The following CDK2AP1 variants were observed in gnomAD, a reference collection of about 807,000 sequenced individuals.
CDK2AP1 encodes cyclin dependent kinase 2 associated protein 1, also known as cyclin-dependent kinase 2-associated protein 1.
Under a neutral mutation model 14.1 loss-of-function variants are expected in CDK2AP1, and 10 were observed. The ratio of observed to expected loss-of-function variants is 0.71; its 90% confidence interval spans 0.44 to 1.20. CDK2AP1 has a LOEUF of 1.20. Among genes scored for constraint, CDK2AP1 ranks in the 50% most tolerant of loss-of-function variants. CDK2AP1 has a pLI of 0.00. For synonymous variants in CDK2AP1, 59 were observed against 59.8 expected, an observed-to-expected ratio of 0.99 and a Z score of 0.06; for missense variants, 102 against 149.9, an observed-to-expected ratio of 0.68 and a Z score of 1.67.
At chr12:123,267,330 C>A in intron 1 of CDK2AP1, 48 bp from the exon 2 acceptor site, 1 of 1,203,412 alleles carries the variant, frequency 8.3e-7, no homozygotes, top group Non-Finnish European at 1.2e-6. Flanking sequence ...GCCAGTTGTA[C>A]CAAGGCAAGG....
chr12:123,271,124 G>A, intron 1 of CDK2AP1: 1 of 707,788 alleles, frequency 1.4e-6, no homozygotes, highest in African/African-American at 2.0e-5. Flanking sequence ...CCCCCGCCCG[G>A]GCTGCTTCAC....
rs1002995798 is a variant in CDK2AP1, at chr12:123,270,851, C to G, written c.55+713G>C. 5.1e-6 allele frequency: 5 copies of G among 985,282 alleles called. No homozygotes were observed. In the South Asian group the frequency reaches 2.3e-4, roughly 46 times the overall value. 61.0% of individuals were successfully genotyped at this position (985,282 alleles called of 1,614,324 possible). A position where few individuals can be genotyped will look rare whatever the true frequency, so the allele number is the denominator to read the frequency against. Reference sequence around the variant, plus strand: ...CGCCCGCGCGCGGGCCCCAGCAGCCCCAGAGCTGCGCCAACTTCGTTCACT... The same window carrying G: ...CGCCCGCGCGCGGGCCCCAGCAGCCGCAGAGCTGCGCCAACTTCGTTCACT... On this transcript the variant is annotated intron_variant, in intron 1 of 3. Coordinates refer to ENST00000261692, the MANE Select transcript of CDK2AP1 (RefSeq NM_004642.4).
At chr12:123,271,456 C>A (rs1052383183) in intron 1 of CDK2AP1, 108 bp downstream of exon 1, 1 of 471,026 alleles carries the variant, frequency 2.1e-6, no homozygotes, top group South Asian at 8.5e-5. Flanking sequence ...GACCCTGAGC[C>A]CCCCGCCCCC....
Position 123,269,554 on chromosome 12 carries a change from G to A in CDK2AP1, c.55+2010C>T, listed in dbSNP as rs373366617. 4.4e-4 allele frequency among the ~76,000 whole-genome samples: 67 copies of A among 152,374 alleles called. No individual in the cohort carries two copies. In the South Asian group the frequency reaches 0.013, roughly 30 times the overall value. On this transcript the variant is annotated intron_variant, in intron 1 of 3. Coordinates refer to ENST00000261692, the MANE Select transcript of CDK2AP1 (RefSeq NM_004642.4). ...CTCAGACAATGAGCGCAGTGTGCAG[G>A]AGCGAGGGGTTGGCAGAGGCCAGGA...
intron 1 of CDK2AP1, 98 bp downstream of exon 1, chr12:123,271,466 C>T: frequency 1.7e-6 from 1 of 578,004 alleles, no homozygotes; most frequent in East Asian, 1.4e-4. Context: ...CCCCCGCCCC[C>T]GGCCTCCGCG....
chr12:123,270,818 T>G (rs1486115228), intron 1 of CDK2AP1: 1 of 984,638 alleles, frequency 1.0e-6, no homozygotes, highest in East Asian at 1.1e-4. Context: ...CGTGACCCAC[T>G]GCCCCCACGC....
chr12:123,267,528 C>G (rs1322047214), intron 1 of CDK2AP1: 1 of 456,912 alleles, frequency 2.2e-6, no homozygotes, highest in South Asian at 2.1e-5. Context: ...CCCATCCAAC[C>G]AGAACCTTCC....
intron 2 of CDK2AP1, among the ~76,000 whole-genome samples, 195 bp downstream of exon 2, chr12:123,266,990 T>C (rs1230205328): frequency 6.6e-6 from 1 of 152,084 alleles, no homozygotes; most frequent in Non-Finnish European, 1.5e-5. Flanking sequence ...ACCTCACACG[T>C]CCCCGCGAAG....
Position 123,265,871 on chromosome 12 carries a change from G to T in CDK2AP1, c.154-549C>A. 6.6e-6 allele frequency among the ~76,000 whole-genome samples: 1 copy of T among 152,164 alleles called. No individual in the cohort carries two copies. Among genetic ancestry groups the T allele is most frequent in the African/African-American group, 2.4e-5 (1 of 41,440 alleles). ...AGGTGCCAAGCCTCCAAGCCAGTGG[G>T]GAGACAAGAGGCCACACCTGGGCCA... On this transcript the variant is annotated intron_variant, in intron 2 of 3. Transcript: ENST00000261692. This position sits in a 1 kb window ranked among gnomAD's most constrained non-coding sequence, Gnocchi z 5.3.
chr12:123,270,788 G>A, intron 1 of CDK2AP1: 1 of 969,654 alleles, frequency 1.0e-6, no homozygotes, highest in Non-Finnish European at 1.2e-6. Flanking sequence ...GCCCTTGGGG[G>A]CTCCCAGATG....
chr12:123,265,213 A>G lies in CDK2AP1; in HGVS notation c.263T>C (p.Met88Thr), dbSNP rs766077213. Reference sequence around the variant, plus strand: ...GGGCTTACCGCGCTTCAGCCTCTCCATGGCACTCTTGCTCCCTGCGTACGT... The same window carrying G: ...GGGCTTACCGCGCTTCAGCCTCTCCGTGGCACTCTTGCTCCCTGCGTACGT... ...RPTYAGSKSA[M>T]ERLKRGIIHA... The change falls in exon 3 of 4, where the codon ATG (methionine) becomes ACG (threonine). Residue 88 changes from methionine to threonine, a missense_variant. Transcript: ENST00000261692. This position sits in a 1 kb window ranked among gnomAD's most constrained non-coding sequence, Gnocchi z 5.3. 1.2e-6 allele frequency: 2 copies of G among 1,613,884 alleles called. No homozygotes were observed. Among genetic ancestry groups the G allele is most frequent in the African/African-American group, 1.3e-5 (1 of 74,846 alleles).
chr12:123,261,723 A>C lies in CDK2AP1; in HGVS notation c.*13T>G, dbSNP rs1190798560. 1 of 1,609,966 alleles carries C rather than the reference A, an allele frequency of 6.2e-7. No homozygotes were observed. The highest frequency in any genetic ancestry group is 1.1e-5 in the South Asian group (1 of 91,000). ...TGTAAAAAGATGGAAATCCTTCAAAACCAACAAGGCAGCTAGGATCTGGCA... is the reference window on the plus strand; with the variant it reads ...TGTAAAAAGATGGAAATCCTTCAAACCCAACAAGGCAGCTAGGATCTGGCA... On this transcript the variant is annotated 3_prime_UTR_variant, in exon 4 of 4. Transcript: ENST00000261692.
chr12:123,261,637 T>G lies in CDK2AP1; in HGVS notation c.*99A>C. 1.0e-6 allele frequency: 1 copy of G among 1,003,192 alleles called. No homozygotes were observed. 62.1% of individuals were successfully genotyped at this position (1,003,192 alleles called of 1,614,324 possible). ...AACCATGGGAGGAAAAACGAAACTG[T>G]AACCATTTTGAAAACAAGGGTTTCA... On this transcript the variant is annotated 3_prime_UTR_variant, in exon 4 of 4. Coordinates refer to ENST00000261692, the MANE Select transcript of CDK2AP1 (RefSeq NM_004642.4).
intron 3 of CDK2AP1, chr12:123,262,128 A>G (rs550618027): frequency 5.9e-5 from 14 of 238,360 alleles, no homozygotes; most frequent in Middle Eastern, 1.4e-3. Flanking sequence ...TTGACCCACT[A>G]TGGAGATTTT....
intron 2 of CDK2AP1, 114 bp downstream of exon 2, chr12:123,267,071 G>T: frequency 1.4e-6 from 1 of 739,422 alleles, no homozygotes. Context: ...GGCTGAGAAA[G>T]CTCCGTCCCA....
chr12:123,267,422 G>C, intron 1 of CDK2AP1, 140 bp from the exon 2 acceptor site: 1 of 641,146 alleles, frequency 1.6e-6, no homozygotes, highest in Non-Finnish European at 2.9e-6. Flanking sequence ...TCCACCTCCG[G>C]TTTGACCAGC....
rs536546320 is a variant in CDK2AP1 at position 123,263,639 on chromosome 12, C to T, written c.280+1557G>A. ...GGCCCTCTTCAATCACATCCTCTAA[C>T]CCTGGTAGTCCCAACCTAGCTTTGA... On this transcript the variant is annotated intron_variant, in intron 3 of 3. Coordinates refer to ENST00000261692, the MANE Select transcript of CDK2AP1 (RefSeq NM_004642.4). Among the ~76,000 whole-genome samples, 237 of 152,286 alleles carry T rather than the reference C, an allele frequency of 1.6e-3. 1 individual carries two copies. Among genetic ancestry groups the T allele is most frequent in the Non-Finnish European group, 2.7e-3 (181 of 68,034 alleles).
chr12:123,261,467 TG>T lies in CDK2AP1; in HGVS notation c.*268del, dbSNP rs1337899412. 2.2e-5 allele frequency: 9 copies of T among 402,738 alleles called. No homozygotes were observed. The highest frequency in any genetic ancestry group is 4.1e-5 in the Non-Finnish European group (9 of 219,876). 24.9% of individuals were successfully genotyped at this position (402,738 alleles called of 1,614,324 possible). A position where few individuals can be genotyped will look rare whatever the true frequency, so the allele number is the denominator to read the frequency against. On this transcript the variant is annotated 3_prime_UTR_variant, in exon 4 of 4. Transcript: ENST00000261692. ...GTCTTGGAGGCAAACTACAGTTTGCTGTAAGATAACTTTCCGTGCATCTTTT... is the reference window on the plus strand; with the variant it reads ...GTCTTGGAGGCAAACTACAGTTTGCTTAAGATAACTTTCCGTGCATCTTTT...
chr12:123,271,560 T>C lies in CDK2AP1; in HGVS notation c.55+4A>G. The C allele has an allele frequency of 2.0e-5, 20 of 1,004,982 alleles. No homozygotes were observed. Among genetic ancestry groups the C allele is most frequent in the Non-Finnish European group, 2.4e-5 (20 of 843,998 alleles). The allele number at this position is 1,004,982 out of a possible 1,614,324, so 62.3% of individuals were successfully genotyped here. On this transcript the variant is annotated splice_donor_region_variant and intron_variant, in intron 1 of 3. Transcript: ENST00000261692. ...TTGGGGCGCGTCGCACGCGGCTCAC[T>C]CACCGGCGTTGAGGGCGGCGGCGGG...
Sources: allele counts gnomAD v4.1 joint callset (sites outside exome capture counted in the v4.1 genomes callset), GRCh38; gene constraint gnomAD v4.1.1; non-coding constraint Gnocchi (gnomAD v3.1); transcripts MANE v1.5; gene names NCBI Gene and HGNC (gene_info 2026-07-23, HGNC 2026-07-21).